XKR5: variants seen among roughly 807,000 people sequenced by gnomAD.
XKR5 encodes the protein XK related 5.
In XKR5, 46 loss-of-function variants were observed where a neutral mutation model predicts 40.8. The ratio of observed to expected loss-of-function variants is 1.13; its 90% CI spans 0.89 to 1.44. The LOEUF is 1.44. Ranked by LOEUF, XKR5 falls within the 40% of genes most tolerant of loss-of-function variation. The pLI, the probability that XKR5 is intolerant of heterozygous loss-of-function variation, is 0.00. For missense variants in XKR5, 1,169 were observed against 844.7 expected (o/e 1.38, Z -4.76); for synonymous variants, 466 against 356.1 (o/e 1.31, Z -3.48).
intron 5 of XKR5, among the ~76,000 whole-genome samples, chr8:6,818,225 G>T (rs1339459828): frequency 6.6e-6 from 1 of 152,102 alleles, no homozygotes; most frequent in Non-Finnish European, 1.5e-5. Flanking sequence ...CATTACTTCC[G>T]CAGCTTTGCC....
intron 5 of XKR5, among the ~76,000 whole-genome samples, chr8:6,818,253 G>T (rs1587167843): frequency 6.6e-6 from 1 of 152,154 alleles, no homozygotes; most frequent in Non-Finnish European, 1.5e-5. Context: ...TTCTAGCGCC[G>T]TCCACACCTT....
At chr8:6,815,077 G>A (rs1488574296) in intron 6 of XKR5, among the ~76,000 whole-genome samples, 10 of 152,238 alleles carry the variant, frequency 6.6e-5, no homozygotes, top group Admixed American at 5.9e-4. Context: ...GAGGCCCCAC[G>A]TGAGAGGTGC....
At chr8:6,817,465 G>T (rs1804014902) in intron 5 of XKR5, among the ~76,000 whole-genome samples, 1 of 151,822 alleles carries the variant, frequency 6.6e-6, no homozygotes, top group African/African-American at 2.4e-5. Flanking sequence ...CCTGGCCAAC[G>T]AGAACTCCAG....
chr8:6,813,682 C>T (rs985027824), intron 6 of XKR5, among the ~76,000 whole-genome samples: 7 of 152,310 alleles, frequency 4.6e-5, no homozygotes, highest in Admixed American at 1.3e-4. Context: ...GGCTCTGAGC[C>T]GGTGGCCACC....
chr8:6,814,555 T>C (rs1803875849), intron 6 of XKR5, among the ~76,000 whole-genome samples: 2 of 152,178 alleles, frequency 1.3e-5, no homozygotes, highest in Admixed American at 1.3e-4. Context: ...GACGTACTAC[T>C]TTGAGATCCT....
At chr8:6,818,535 C>G (rs572271494) in intron 5 of XKR5, among the ~76,000 whole-genome samples, 120 of 152,356 alleles carry the variant, frequency 7.9e-4, no homozygotes, top group African/African-American at 2.8e-3. Context: ...AGAAGTGAGA[C>G]GGGGTCTTAT....
Position 6,825,242 on chromosome 8 carries a change from G to T in XKR5, c.350C>A (p.Ala117Asp). The change falls in exon 3 of 7, where the codon GCC (alanine) becomes GAC (aspartate). Residue 117 changes from alanine (A) to aspartate (D), a missense_variant. Transcript: ENST00000618742. The stretch of plus-strand genomic sequence containing the variant: ...CAGGTGGGGCCCAGTCTGCAGCAGG[G>T]CCTCCAAGAGTCGAAGGGCCGACAG... Reference protein sequence around the residue: ...ADLSALRLLEALLQTGPHLLL... With the variant: ...ADLSALRLLEDLLQTGPHLLL... 6.2e-7 allele frequency: 1 copy of T among 1,612,730 alleles called. No individual in the cohort carries two copies. Among genetic ancestry groups the T allele is most frequent in the South Asian group, 1.1e-5 (1 of 90,894 alleles).
Position 6,823,630 on chromosome 8 carries a change from C to G in XKR5, c.528G>C (p.Trp176Cys). 1 of 1,593,740 alleles carries G rather than the reference C, an allele frequency of 6.3e-7. No homozygotes were observed. ...FMKPGHLAMP[W>C]AALFCQQLWR... ...AGAGCTGCTGGCAGAAGAGGGCGGC[C>G]CATGGCATGGCCAGGTGGCCTGGCT... is the stretch of plus-strand genomic sequence containing the variant. Residue 176 changes from tryptophan to cysteine, a missense_variant, in exon 4 of 7, where the codon TGG becomes TGC. Trp to Cys is a radical substitution (Grantham distance 215). Coordinates refer to ENST00000618742, the MANE Select transcript of XKR5 (RefSeq NM_207411.5).
Position 6,811,622 on chromosome 8 carries a change from G to C in XKR5, c.1637C>G (p.Ala546Gly). ...TGAGGATGTGGCCACTTCTGCAGTG[G>C]CGCTGAAGTACAACGTGGAACTCTG... ...GQQSSTLYFS[A>G]TAEVATSSQQ... is the part of the protein sequence containing the mutation. The change falls in exon 7 of 7, where the codon GCC (alanine) becomes GGC (glycine). Residue 546 changes from alanine to glycine, a missense_variant. By Grantham distance (60) the Ala-to-Gly change is moderately conservative. Transcript: ENST00000618742. 6.5e-7 allele frequency: 1 copy of C among 1,537,436 alleles called. No individual in the cohort carries two copies. Among genetic ancestry groups the C allele is most frequent in the Non-Finnish European group, 8.7e-7 (1 of 1,146,958 alleles).
rs1456206541 is a variant in XKR5 at position 6,809,378 on chromosome 8, C to T, written c.*1820G>A. 1 of 152,236 alleles carries T rather than the reference C, an allele frequency of 6.6e-6. No individual in the cohort carries two copies. Among genetic ancestry groups the T allele is most frequent in the East Asian group, 1.9e-4 (1 of 5,192 alleles). 9.4% of individuals were successfully genotyped at this position (152,236 alleles called of 1,614,324 possible). The stretch of plus-strand genomic sequence containing the variant: ...GATCTCAGCTCACTGCAACCTCTGC[C>T]TCCCAGTTCAACTGATTCTCGTGCC... On this transcript the variant is annotated 3_prime_UTR_variant, in exon 7 of 7. Coordinates refer to ENST00000618742, the MANE Select transcript of XKR5 (RefSeq NM_207411.5).
chr8:6,834,351 C>A (rs949927908), intron 1 of XKR5, among the ~76,000 whole-genome samples: 5 of 152,246 alleles, frequency 3.3e-5, no homozygotes, highest in Admixed American at 2.6e-4. Flanking sequence ...CTCAGGCAGC[C>A]CTTAGCGCCC....
At chr8:6,822,230 A>G (rs1445193296) in intron 4 of XKR5, among the ~76,000 whole-genome samples, 192 bp from the exon 5 acceptor site, 1 of 152,232 alleles carries the variant, frequency 6.6e-6, no homozygotes, top group Non-Finnish European at 1.5e-5. Context: ...GTATTATCCC[A>G]TTTTATCCTT....
chr8:6,827,356 G>A (rs759167935), intron 2 of XKR5, among the ~76,000 whole-genome samples: 6 of 152,158 alleles, frequency 3.9e-5, no homozygotes, highest in South Asian at 2.1e-4. Flanking sequence ...GATGCATCTC[G>A]AAGGTCACCT....
chr8:6,825,465 C>A (rs183898400), intron 2 of XKR5, 116 bp from the exon 3 acceptor site: 33 of 984,320 alleles, frequency 3.4e-5, no homozygotes, highest in Non-Finnish European at 4.5e-5. Flanking sequence ...CCTTACTAGT[C>A]ACCTAGAGTT....
Position 6,812,122 on chromosome 8 carries a change from G to A in XKR5, c.1137C>T (p.Thr379=). 6.5e-7 allele frequency: 1 copy of A among 1,548,442 alleles called. No homozygotes were observed. Among genetic ancestry groups the A allele is most frequent in the South Asian group, 1.2e-5 (1 of 84,062 alleles). The change falls in exon 7 of 7, where the codon ACC becomes ACT. Residue 379 remains threonine, a synonymous_variant. Coordinates refer to ENST00000618742, the MANE Select transcript of XKR5 (RefSeq NM_207411.5). ...CAGCCTCTGGGGGGACCTGCTCAGG[G>A]GTAGGGGGCTTCCCTAAAATGGTTG... is the stretch of plus-strand genomic sequence containing the variant. The part of the protein sequence containing the change: ...YEPTILGKPP[T]PEQVPPEAGL...
chr8:6,823,757 A>C (rs762194724), intron 3 of XKR5, 27 bp from the exon 4 acceptor site: 3 of 1,534,324 alleles, frequency 2.0e-6, no homozygotes, highest in Admixed American at 1.9e-5. Context: ...AAGATGTGGT[A>C]TGCTCTGAAG....
intron 2 of XKR5, among the ~76,000 whole-genome samples, chr8:6,826,098 G>A (rs1309719514): frequency 1.3e-5 from 2 of 152,184 alleles, no homozygotes; most frequent in African/African-American, 4.8e-5. Context: ...GTGCATGTGC[G>A]TGTATATGGG....
chr8:6,828,289 G>A (rs1173253138), intron 2 of XKR5, among the ~76,000 whole-genome samples: 2 of 152,184 alleles, frequency 1.3e-5, no homozygotes, highest in African/African-American at 2.4e-5. Context: ...ACTCTGGACA[G>A]GTAGATGGTA....
intron 1 of XKR5, among the ~76,000 whole-genome samples, chr8:6,833,802 C>T (rs530933857): frequency 6.6e-6 from 1 of 152,328 alleles, no homozygotes; most frequent in South Asian, 2.1e-4. Context: ...GCCAGCAGAG[C>T]CTCTGGCAAC....
Sources: allele counts gnomAD v4.1 joint callset (sites outside exome capture counted in the v4.1 genomes callset), GRCh38; gene constraint gnomAD v4.1.1; transcripts MANE v1.5; gene names NCBI Gene and HGNC (gene_info 2026-07-23, HGNC 2026-07-21).